Variants in ACTR3 observed in about 807,000 individuals in gnomAD.
The protein encoded by ACTR3 is actin-related protein 3.
Under a neutral mutation model 56.8 loss-of-function variants are expected in ACTR3, and 12 were observed. That is an observed-to-expected ratio of 0.21 (90% CI 0.14 to 0.34). The LOEUF is 0.34. ACTR3 is among the 10% of genes least tolerant of loss of function. The probability of loss-of-function intolerance (pLI) is 1.00; values close to 1 mark genes in which losing one functional copy is unlikely to be tolerated. For synonymous variants in ACTR3, 162 were observed against 167.4 expected (o/e 0.97, Z 0.25); for missense variants, 282 against 512.5 (o/e 0.55, Z 4.34).
intron 1 of ACTR3, among the ~76,000 whole-genome samples, chr2:113,891,011 TCCC>T (rs1678883427): frequency 1.3e-5 from 2 of 152,116 alleles, no homozygotes; most frequent in African/African-American, 4.8e-5. Context: ...CTCAAAAAAG[TCCC>T]CCAGTGAGCA....
rs767785922 is a variant in ACTR3, at chr2:113,942,306, A to T, written c.805A>T (p.Ile269Phe). Reference sequence around the variant, plus strand: ...TGCTATCTCAAAGAAAGAGTTTTCTATCGATGTTGGTTATGAGAGATTTTT... The same window carrying T: ...TGCTATCTCAAAGAAAGAGTTTTCTTTCGATGTTGGTTATGAGAGATTTTT... The part of the protein sequence containing the change: ...INAISKKEFS[I>F]DVGYERFLGP... The change falls in exon 8 of 12, where the codon ATC (isoleucine) becomes TTC (phenylalanine). Residue 269 changes from isoleucine to phenylalanine, a missense_variant. Physicochemically the swap from Ile to Phe is conservative, Grantham distance 21 (BLOSUM62 0). Transcript: ENST00000263238. The T allele has an allele frequency of 6.2e-7, 1 of 1,601,966 alleles. No individual in the cohort carries two copies. The highest frequency in any genetic ancestry group is 8.5e-7 in the Non-Finnish European group (1 of 1,175,650).
chr2:113,908,625 GTTC>G (rs796770638), intron 1 of ACTR3, among the ~76,000 whole-genome samples: 49 of 151,706 alleles, frequency 3.2e-4, no homozygotes, highest in African/African-American at 9.2e-4. Context: ...CTACGGTTCT[GTTC>G]TTATTTTTAA....
intron 2 of ACTR3, among the ~76,000 whole-genome samples, chr2:113,913,428 T>C (rs984773036): frequency 3.3e-5 from 5 of 152,052 alleles, no homozygotes; most frequent in Admixed American, 1.3e-4. Flanking sequence ...CCATTTGCCA[T>C]GTCTACTAAA....
intron 7 of ACTR3, 24 bp from the exon 8 acceptor site, chr2:113,942,162 T>TA: frequency 6.5e-7 from 1 of 1,537,726 alleles, no homozygotes. Flanking sequence ...CAAAAAAAGT[T>TA]ACTTTTGTTT....
At chr2:113,890,585 C>T (rs1172545785) in intron 1 of ACTR3, 2 of 1,355,914 alleles carry the variant, frequency 1.5e-6, no homozygotes, top group Non-Finnish European at 1.9e-6. Context: ...CGACCCCTCC[C>T]GGCCCTTCCC....
chr2:113,958,599 ATG>A lies in ACTR3; in HGVS notation c.*1146_*1147del, dbSNP rs1387436000. The A allele has an allele frequency of 1.6e-5, 2 of 128,734 alleles. No homozygotes were observed. Among genetic ancestry groups the A allele is most frequent in the African/African-American group, 8.7e-5 (2 of 23,112 alleles). The allele number at this position is 128,734 out of a possible 1,614,324, so 8.0% of individuals were successfully genotyped here. On this transcript the variant is annotated 3_prime_UTR_variant, in exon 12 of 12. Transcript: ENST00000263238. ...AATTAAAACTGAATTACCTTTTCTA[ATG>A]TTTTTTTTTTTTAAGTAATGTAATT...
chr2:113,944,199 A>G (rs1038861502), intron 8 of ACTR3, among the ~76,000 whole-genome samples: 1 of 152,110 alleles, frequency 6.6e-6, no homozygotes, highest in Non-Finnish European at 1.5e-5. Context: ...CTTGTTACTT[A>G]TCTCAGTGAG....
At chr2:113,926,873 A>G (rs1679630193) in intron 3 of ACTR3, among the ~76,000 whole-genome samples, 1 of 150,928 alleles carries the variant, frequency 6.6e-6, no homozygotes, top group Non-Finnish European at 1.5e-5. Flanking sequence ...TTCTTATAAC[A>G]TTTTATGTGC....
chr2:113,962,222 A>G lies in ACTR3; in HGVS notation c.*4767A>G, dbSNP rs762602610. The G allele has an allele frequency of 2.6e-5, 4 of 152,008 alleles. No homozygotes were observed. The highest frequency in any genetic ancestry group is 2.4e-5 in the African/African-American group (1 of 41,430). 9.4% of individuals were successfully genotyped at this position (152,008 alleles called of 1,614,324 possible). A position where few individuals can be genotyped will look rare whatever the true frequency, so the allele number is the denominator to read the frequency against. ...GGTAGTGGGGGATTACTAAGTGATC[A>G]TGACTTTTCTGAAGCAGGTCTTAAA... On this transcript the variant is annotated 3_prime_UTR_variant, in exon 12 of 12. Transcript: ENST00000263238.
chr2:113,937,356 T>C (rs977435375), intron 6 of ACTR3, among the ~76,000 whole-genome samples: 1 of 152,218 alleles, frequency 6.6e-6, no homozygotes, highest in African/African-American at 2.4e-5. Flanking sequence ...TCCACCTGCC[T>C]TGGCCTCCCA....
At chr2:113,951,203 G>A (rs890294607) in intron 8 of ACTR3, 5 of 264,776 alleles carry the variant, frequency 1.9e-5, no homozygotes, top group Admixed American at 1.9e-4. Context: ...CTCTCACAGC[G>A]TTATATGAAA....
chr2:113,956,901 C>G (rs572934638), intron 11 of ACTR3, among the ~76,000 whole-genome samples: 4 of 152,180 alleles, frequency 2.6e-5, no homozygotes, highest in Non-Finnish European at 5.9e-5. Flanking sequence ...AACAGTCTAT[C>G]TTTTCCAGAC....
In ACTR3 at chr2:113,940,218, T is replaced by C. The variant is rs1197274360; in HGVS notation, c.684+116T>C. 9.3e-6 allele frequency: 8 copies of C among 858,074 alleles called. No individual in the cohort carries two copies. The East Asian group carries it at 2.4e-4, about 26-fold the overall frequency. 53.2% of individuals were successfully genotyped at this position (858,074 alleles called of 1,614,324 possible). Reference sequence around the variant, plus strand: ...TTGAAATAATCTTGTTAACCAGTTATAAATTATTACCCTTAAATATATTTA... The same window carrying C: ...TTGAAATAATCTTGTTAACCAGTTACAAATTATTACCCTTAAATATATTTA... On this transcript the variant is annotated intron_variant, in intron 7 of 11. Coordinates refer to ENST00000263238, the MANE Select transcript of ACTR3 (RefSeq NM_005721.5).
At chr2:113,935,017 G>T (rs11676281) in intron 6 of ACTR3, among the ~76,000 whole-genome samples, 1 of 151,550 alleles carries the variant, frequency 6.6e-6, no homozygotes, top group Non-Finnish European at 1.5e-5. Flanking sequence ...ATCACTTAAG[G>T]ATTTACATTA....
At chr2:113,933,677 A>G (rs936106792) in intron 5 of ACTR3, among the ~76,000 whole-genome samples, 20 of 123,814 alleles carry the variant, frequency 1.6e-4, no homozygotes, top group Non-Finnish European at 2.6e-4. Flanking sequence ...GTTCTATACA[A>G]TTTTTTTTTT....
chr2:113,949,941 T>G (rs747306399), intron 8 of ACTR3, among the ~76,000 whole-genome samples: 1 of 152,248 alleles, frequency 6.6e-6, no homozygotes, highest in Non-Finnish European at 1.5e-5. Flanking sequence ...TTGGAAATAG[T>G]AAGTTTATTT....
At chr2:113,919,371 G>A (rs1348527773) in intron 3 of ACTR3, among the ~76,000 whole-genome samples, 1 of 151,834 alleles carries the variant, frequency 6.6e-6, no homozygotes, top group African/African-American at 2.4e-5. Context: ...TGTGTGTTAT[G>A]TTTCTTTTCT....
Position 113,927,453 on chromosome 2 carries a change from T to C in ACTR3, c.334T>C (p.Leu112=). ...AGAACCTGAAGACCATTATTTTCTT[T>C]TGGTAAGTTACAAGTTATAATTTCA... is the stretch of plus-strand genomic sequence containing the variant. ...RAEPEDHYFL[L]TEPPLNTPEN... is the part of the protein sequence containing the mutation. The change falls in exon 4 of 12, where the codon TTG becomes CTG. Residue 112 remains leucine, a splice_region_variant and synonymous_variant. Coordinates refer to ENST00000263238, the MANE Select transcript of ACTR3 (RefSeq NM_005721.5). The C allele has an allele frequency of 1.3e-6, 2 of 1,583,918 alleles. No homozygotes were observed. Among genetic ancestry groups the C allele is most frequent in the Non-Finnish European group, 1.7e-6 (2 of 1,163,080 alleles).
At chr2:113,930,154 AT>A (rs934115286) in intron 4 of ACTR3, among the ~76,000 whole-genome samples, 2 of 151,222 alleles carry the variant, frequency 1.3e-5, no homozygotes, top group African/African-American at 4.9e-5. Context: ...TTTTATGTAG[AT>A]TTTTTTTCTT....
Sources: gnomAD v4.1 joint callset for allele counts (sites outside exome capture counted in the v4.1 genomes callset) on GRCh38, gnomAD v4.1.1 for gene constraint, MANE v1.5 for transcripts, NCBI Gene and HGNC (gene_info 2026-07-23, HGNC 2026-07-21) for gene names.